Variants in ZNF385D observed in about 807,000 individuals in gnomAD.
ZNF385D encodes the protein zinc finger protein 659.
A neutral mutation model predicts 35.8 loss-of-function variants in ZNF385D; 15 were observed. That is an observed-to-expected ratio of 0.42 (90% CI 0.28 to 0.64). The LOEUF is 0.64. Among genes scored for constraint, ZNF385D ranks in the 30% least tolerant of loss-of-function variants. The probability of loss-of-function intolerance (pLI) is 0.23; values close to 1 mark genes in which losing one functional copy is unlikely to be tolerated. For synonymous variants in ZNF385D, 212 were observed against 186.8 expected (o/e 1.13, Z -1.10); for missense variants, 474 against 494.6 (o/e 0.96, Z 0.39).
At chr3:22,362,175 T>G (rs1559541762) in intron 2 of ZNF385D, among the ~76,000 whole-genome samples, 1 of 151,860 alleles carries the variant, frequency 6.6e-6, no homozygotes, top group Non-Finnish European at 1.5e-5. Flanking sequence ...CCTGGCTTTT[T>G]TTGTAGTGGT....
intron 3 of ZNF385D, among the ~76,000 whole-genome samples, chr3:22,029,977 T>C (rs1697830659): frequency 6.6e-6 from 1 of 151,870 alleles, no homozygotes; most frequent in South Asian, 2.1e-4. Context: ...AACATTTGAG[T>C]CAGTGGGCTG....
chr3:21,879,756 C>G (rs1364713721), intron 3 of ZNF385D, among the ~76,000 whole-genome samples: 1 of 151,966 alleles, frequency 6.6e-6, no homozygotes, highest in East Asian at 1.9e-4. Flanking sequence ...TGGAGAGTTA[C>G]ATAAAAACTT....
chr3:21,515,269 T>C (rs1367124481), intron 3 of ZNF385D, among the ~76,000 whole-genome samples: 1 of 152,204 alleles, frequency 6.6e-6, no homozygotes, highest in East Asian at 1.9e-4. Context: ...GAGAAGTTAC[T>C]TTTTAGTATT....
chr3:22,114,414 G>A (rs1436615675), intron 3 of ZNF385D, among the ~76,000 whole-genome samples: 2 of 152,066 alleles, frequency 1.3e-5, no homozygotes, highest in Non-Finnish European at 1.5e-5. Context: ...TAACCAATAT[G>A]TATCTTGGTA....
chr3:22,191,071 A>G (rs573431184), intron 2 of ZNF385D, among the ~76,000 whole-genome samples: 5 of 152,312 alleles, frequency 3.3e-5, no homozygotes, highest in African/African-American at 9.6e-5. Context: ...AGTTAAATAC[A>G]GAATTATTTT....
chr3:21,987,679 G>T (rs1694887717), intron 3 of ZNF385D, among the ~76,000 whole-genome samples: 1 of 144,170 alleles, frequency 6.9e-6, no homozygotes, highest in Non-Finnish European at 1.5e-5. Flanking sequence ...GTATCTTTGT[G>T]GTGTTCTCTG....
chr3:22,233,117 C>T (rs949352047), intron 2 of ZNF385D, among the ~76,000 whole-genome samples: 3 of 151,952 alleles, frequency 2.0e-5, no homozygotes, highest in Admixed American at 2.0e-4. Flanking sequence ...TCTATTGAGT[C>T]CTCTTACCTG....
chr3:22,056,539 C>G (rs1295954465), intron 3 of ZNF385D, among the ~76,000 whole-genome samples: 1 of 151,948 alleles, frequency 6.6e-6, no homozygotes, highest in East Asian at 1.9e-4. Flanking sequence ...AAAGCCATTC[C>G]AATTAAACAG....
At chr3:22,042,960 T>C (rs1175233001) in intron 3 of ZNF385D, among the ~76,000 whole-genome samples, 1 of 152,124 alleles carries the variant, frequency 6.6e-6, no homozygotes, top group Non-Finnish European at 1.5e-5. Flanking sequence ...CTAGGATCAG[T>C]TGTAATCCTC....
intron 2 of ZNF385D, among the ~76,000 whole-genome samples, chr3:22,353,520 A>T (rs1559536922): frequency 6.6e-6 from 1 of 152,196 alleles, no homozygotes; most frequent in Non-Finnish European, 1.5e-5. Context: ...GCTATGTGCC[A>T]GACCCTGCCA....
intron 4 of ZNF385D, among the ~76,000 whole-genome samples, chr3:21,498,945 C>CAAA (rs35511402): frequency 5.8e-4 from 37 of 64,262 alleles, no homozygotes; most frequent in Middle Eastern, 0.017. Context: ...GACTCCATCT[C>CAAA]AAAAAAAAAA....
At position 22,287,771 on chromosome 3, in the gene ZNF385D, A is replaced by G. The variant is rs1002749116; in HGVS notation, c.106+84679T>C. ...TTTTCCTTTTAGCCTTCATACTAGA[A>G]ATAAGGTTAACTTACACATTGCCAT... On this transcript the variant is annotated intron_variant, in intron 2 of 5. Transcript: ENST00000494108. Among the ~76,000 whole-genome samples the G allele has an allele frequency of 5.9e-5, 9 of 152,134 alleles. No homozygotes were observed. The East Asian group carries it at 1.7e-3, about 29-fold the overall frequency.
At chr3:22,327,428 A>G (rs552995385) in intron 2 of ZNF385D, among the ~76,000 whole-genome samples, 2 of 152,186 alleles carry the variant, frequency 1.3e-5, no homozygotes, top group South Asian at 4.1e-4. Context: ...TACATTAACT[A>G]ACCCATCCTG....
chr3:22,164,693 T>C (rs553831293), intron 3 of ZNF385D, among the ~76,000 whole-genome samples: 44 of 152,062 alleles, frequency 2.9e-4, no homozygotes, highest in Admixed American at 1.3e-3. Context: ...TTCCCCTCTG[T>C]TGTATAATGC....
chr3:21,817,797 C>T (rs1255726206), intron 3 of ZNF385D, among the ~76,000 whole-genome samples: 1 of 152,070 alleles, frequency 6.6e-6, no homozygotes, highest in African/African-American at 2.4e-5. Flanking sequence ...CTAGAAATAC[C>T]ATTTGACCCA....
chr3:21,498,383 C>T (rs989654952), intron 4 of ZNF385D, among the ~76,000 whole-genome samples: 1 of 151,976 alleles, frequency 6.6e-6, no homozygotes, highest in African/African-American at 2.4e-5. Flanking sequence ...ACCTAAAGAG[C>T]TTCTGTATAG....
At position 22,267,714 on chromosome 3, in the gene ZNF385D, T is replaced by C. The variant is rs115128898; in HGVS notation, c.107-98679A>G. On this transcript the variant is annotated intron_variant, in intron 2 of 5. Transcript: ENST00000494108. Reference sequence around the variant, plus strand: ...AATCAACTTCCTAAATGCACTCCCATGTTAGAATGATGCGTATACAATTAA... The same window carrying C: ...AATCAACTTCCTAAATGCACTCCCACGTTAGAATGATGCGTATACAATTAA... Among the ~76,000 whole-genome samples, 1,227 of 152,056 alleles carry C rather than the reference T, an allele frequency of 8.1e-3. 16 individuals are homozygous for C. Among genetic ancestry groups the C allele is most frequent in the African/African-American group, 0.027 (1,111 of 41,546 alleles).
At chr3:22,320,296 G>C (rs1170027462) in intron 2 of ZNF385D, among the ~76,000 whole-genome samples, 1 of 152,034 alleles carries the variant, frequency 6.6e-6, no homozygotes, top group East Asian at 1.9e-4. Context: ...AATAGCATTA[G>C]TATTCTAGTA....
At chr3:21,883,129 G>T (rs1465824670) in intron 3 of ZNF385D, among the ~76,000 whole-genome samples, 2 of 151,852 alleles carry the variant, frequency 1.3e-5, no homozygotes, top group Non-Finnish European at 2.9e-5. Context: ...TAGTTTGTAT[G>T]CAGATAAGAC....
Sources: gnomAD v4.1 joint callset for allele counts (sites outside exome capture counted in the v4.1 genomes callset) on GRCh38, gnomAD v4.1.1 for gene constraint, MANE v1.5 for transcripts, NCBI Gene and HGNC (gene_info 2026-07-23, HGNC 2026-07-21) for gene names.